Variants in BBOX1 observed in about 807,000 individuals in gnomAD.
BBOX1 encodes the protein gamma-butyrobetaine dioxygenase.
In BBOX1, 35 loss-of-function variants were observed where a neutral mutation model predicts 41.6. The ratio of observed to expected loss-of-function variants is 0.84; its 90% confidence interval spans 0.64 to 1.11. The LOEUF (loss-of-function observed/expected upper bound fraction) is 1.11. Among genes scored for constraint, BBOX1 ranks in the 50% most tolerant of loss-of-function variants. The probability of loss-of-function intolerance (pLI) is 0.00; values close to 1 mark genes in which losing one functional copy is unlikely to be tolerated. For synonymous variants in BBOX1, 163 were observed against 154.7 expected (o/e 1.05, Z -0.40); for missense variants, 458 against 460.6 (o/e 0.99, Z 0.05).
intron 2 of BBOX1, among the ~76,000 whole-genome samples, chr11:27,053,728 C>T (rs1341802174): frequency 6.6e-6 from 1 of 152,086 alleles, no homozygotes; most frequent in Non-Finnish European, 1.5e-5. Context: ...GTTAGGACTT[C>T]CATAATGCTC....
intron 2 of BBOX1, among the ~76,000 whole-genome samples, chr11:27,053,441 T>A (rs1229830353): frequency 3.3e-5 from 5 of 152,190 alleles, no homozygotes; most frequent in Non-Finnish European, 7.4e-5. Context: ...TTTTAAAAAA[T>A]AAAAACAGGA....
At chr11:27,085,577 C>CTCTCTT (rs1394565425) in intron 4 of BBOX1, among the ~76,000 whole-genome samples, 3 of 151,824 alleles carry the variant, frequency 2.0e-5, no homozygotes, top group Non-Finnish European at 4.4e-5. Flanking sequence ...CTCTCTCTCT[C>CTCTCTT]TCTCTCTCTC....
chr11:27,062,697 G>A (rs1857166357), intron 4 of BBOX1, among the ~76,000 whole-genome samples: 1 of 151,868 alleles, frequency 6.6e-6, no homozygotes, highest in South Asian at 2.1e-4. Flanking sequence ...AGCTACAGGT[G>A]CTACAAGGAC....
chr11:27,053,091 GTGAAACCGATATGCATTCAGCAATGT>G (rs554923167), intron 2 of BBOX1, among the ~76,000 whole-genome samples: 71 of 152,240 alleles, frequency 4.7e-4, no homozygotes, highest in African/African-American at 1.6e-3. Context: ...GGAAAATAAG[GTGAAACCGATATGCATTCAGCAATGT>G]TGGCCTTAAT....
intron 2 of BBOX1, among the ~76,000 whole-genome samples, chr11:27,046,079 C>T (rs1851478384): frequency 6.6e-6 from 1 of 152,144 alleles, no homozygotes. Flanking sequence ...CCCAACATTT[C>T]TGAGCTTCCA....
chr11:27,078,523 C>G (rs564772651), intron 4 of BBOX1, among the ~76,000 whole-genome samples: 2 of 152,170 alleles, frequency 1.3e-5, no homozygotes, highest in African/African-American at 4.8e-5. Flanking sequence ...AGTTCATGTC[C>G]TTTGCAGGGA....
chr11:27,048,537 G>A (rs1219260924), intron 2 of BBOX1, among the ~76,000 whole-genome samples: 1 of 43,278 alleles, frequency 2.3e-5, no homozygotes. Context: ...ATAGATGATA[G>A]ATAGATAGAT....
At chr11:27,115,370 C>T in intron 5 of BBOX1, 82 bp from the exon 6 acceptor site, 2 of 1,103,932 alleles carry the variant, frequency 1.8e-6, no homozygotes, top group Non-Finnish European at 2.6e-6. Context: ...TTCCATTTCT[C>T]CCCACATATC....
chr11:27,071,907 G>C (rs867030374), intron 4 of BBOX1, among the ~76,000 whole-genome samples: 55 of 152,074 alleles, frequency 3.6e-4, no homozygotes, highest in African/African-American at 1.3e-3. Flanking sequence ...ATTAGGTATT[G>C]ATGGGACATA....
At chr11:27,048,362 T>C (rs1851557749) in intron 2 of BBOX1, among the ~76,000 whole-genome samples, 1 of 152,154 alleles carries the variant, frequency 6.6e-6, no homozygotes, top group Non-Finnish European at 1.5e-5. Flanking sequence ...TGCATTTGTC[T>C]TTCTGTGCCT....
chr11:27,075,262 T>C (rs1183268271), intron 4 of BBOX1, among the ~76,000 whole-genome samples: 1 of 152,194 alleles, frequency 6.6e-6, no homozygotes, highest in Non-Finnish European at 1.5e-5. Context: ...CTTTGTATGA[T>C]GACTTTCTCA....
chr11:27,061,456 T>A (rs1482343836), intron 4 of BBOX1, among the ~76,000 whole-genome samples: 1 of 152,206 alleles, frequency 6.6e-6, no homozygotes, highest in Non-Finnish European at 1.5e-5. Flanking sequence ...AAAAAGAAAT[T>A]AATGAGCCAT....
intron 5 of BBOX1, among the ~76,000 whole-genome samples, chr11:27,107,999 T>A (rs1858927563): frequency 6.6e-6 from 1 of 152,102 alleles, no homozygotes. Context: ...ATTAGGAGAA[T>A]GTTTTATGAT....
chr11:27,108,619 C>A (rs1858946988), intron 5 of BBOX1, among the ~76,000 whole-genome samples: 1 of 152,000 alleles, frequency 6.6e-6, no homozygotes, highest in Admixed American at 6.6e-5. Flanking sequence ...TTGTCTGACA[C>A]ATATTTGAAA....
chr11:27,125,827 GA>G lies in BBOX1; in HGVS notation c.1003+9del. 1 of 1,600,218 alleles carries G rather than the reference GA, an allele frequency of 6.2e-7. No homozygotes were observed. The highest frequency in any genetic ancestry group is 8.5e-7 in the Non-Finnish European group (1 of 1,174,734). On this transcript the variant is annotated splice_region_variant and intron_variant, in intron 8 of 8. Coordinates refer to ENST00000263182, the MANE Select transcript of BBOX1 (RefSeq NM_003986.3). ...ACCTTCAAGATGAATCCAGGTCAGTGAATACATTTTCTCAAATAACCAAAAG... is the reference window on the plus strand; with the variant it reads ...ACCTTCAAGATGAATCCAGGTCAGTGATACATTTTCTCAAATAACCAAAAG...
intron 5 of BBOX1, among the ~76,000 whole-genome samples, chr11:27,109,266 A>G (rs1051983833): frequency 6.6e-6 from 1 of 152,074 alleles, no homozygotes; most frequent in South Asian, 2.1e-4. Context: ...AGAGGAAGGA[A>G]AAGTCCTATG....
At chr11:27,046,288 AG>A (rs1851485045) in intron 2 of BBOX1, 1 of 152,176 alleles carries the variant, frequency 6.6e-6, no homozygotes, top group Non-Finnish European at 1.5e-5. Flanking sequence ...ATTAAGAAAA[AG>A]AAAAAAAAGG....
intron 2 of BBOX1, among the ~76,000 whole-genome samples, chr11:27,054,765 A>G (rs1856928986): frequency 6.6e-6 from 1 of 152,246 alleles, no homozygotes; most frequent in Non-Finnish European, 1.5e-5. Context: ...TTTCTTGCAG[A>G]ACCTAAGGAC....
intron 7 of BBOX1, among the ~76,000 whole-genome samples, chr11:27,121,896 A>G (rs1178089493): frequency 2.0e-5 from 3 of 152,192 alleles, no homozygotes; most frequent in Non-Finnish European, 4.4e-5. Flanking sequence ...CTGAATGTCC[A>G]CCATGTGGCT....
Sources: gnomAD v4.1 joint callset for allele counts (sites outside exome capture counted in the v4.1 genomes callset) on GRCh38, gnomAD v4.1.1 for gene constraint, MANE v1.5 for transcripts, NCBI Gene and HGNC (gene_info 2026-07-23, HGNC 2026-07-21) for gene names.